The following BSDC1 variants were observed in gnomAD, a reference collection of about 807,000 sequenced individuals.
The protein encoded by BSDC1 is BSD domain-containing protein 1.
Under a neutral mutation model 56.0 loss-of-function variants are expected in BSDC1, and 29 were observed. The ratio of observed to expected loss-of-function variants is 0.52; its 90% CI spans 0.39 to 0.71. The LOEUF is 0.71. BSDC1 is among the 30% of genes least tolerant of loss of function. The pLI is 0.00. For synonymous variants in BSDC1, 210 were observed against 215.3 expected, an observed-to-expected ratio of 0.98 and a Z score of 0.21; for missense variants, 477 against 548.5, an observed-to-expected ratio of 0.87 and a Z score of 1.30.
At chr1:32,368,284 C>G in intron 10 of BSDC1, 163 bp downstream of exon 10, 1 of 1,566,556 alleles carries the variant, frequency 6.4e-7, no homozygotes, top group Non-Finnish European at 8.7e-7. Flanking sequence ...TGCTGATGAC[C>G]AATGTTGTGG....
intron 5 of BSDC1, among the ~76,000 whole-genome samples, chr1:32,380,267 C>T (rs932407879): frequency 4.6e-5 from 7 of 152,208 alleles, no homozygotes; most frequent in Non-Finnish European, 8.8e-5. Context: ...CGGGTGCTCC[C>T]TGCTCTCTCT....
intron 4 of BSDC1, among the ~76,000 whole-genome samples, chr1:32,383,051 CTTA>C (rs1178656036): frequency 7.9e-5 from 12 of 151,936 alleles, no homozygotes; most frequent in Admixed American, 7.9e-4. Flanking sequence ...CACAGCGTTC[CTTA>C]TTATGCTTGA....
At chr1:32,392,561 C>T (rs545092917) in intron 2 of BSDC1, among the ~76,000 whole-genome samples, 3 of 152,250 alleles carry the variant, frequency 2.0e-5, no homozygotes, top group East Asian at 1.9e-4. Context: ...AGGAGGCCCT[C>T]ATGCAACATC....
intron 4 of BSDC1, among the ~76,000 whole-genome samples, chr1:32,382,488 C>T (rs1302571412): frequency 6.8e-6 from 1 of 147,400 alleles, no homozygotes; most frequent in African/African-American, 2.5e-5. Flanking sequence ...AAACAAAAAA[C>T]AAACAAAAAA....
At chr1:32,382,328 G>A (rs1257085854) in intron 4 of BSDC1, among the ~76,000 whole-genome samples, 1 of 151,662 alleles carries the variant, frequency 6.6e-6, no homozygotes, top group East Asian at 1.9e-4. Flanking sequence ...AATTAGCTGA[G>A]CGTGGTGATG....
intron 2 of BSDC1, among the ~76,000 whole-genome samples, chr1:32,393,417 G>C (rs1431080141): frequency 1.3e-5 from 2 of 152,150 alleles, no homozygotes; most frequent in African/African-American, 4.8e-5. Context: ...TCTCTGGCTT[G>C]GGTTCTTGCT....
intron 5 of BSDC1, among the ~76,000 whole-genome samples, chr1:32,379,610 G>C (rs1426628470): frequency 6.6e-6 from 1 of 152,128 alleles, no homozygotes; most frequent in Non-Finnish European, 1.5e-5. Context: ...TTATTTTTGA[G>C]AGATAGAGGC....
In BSDC1 at chr1:32,376,747, G is replaced by A. The variant is rs1642303010; in HGVS notation, c.677-6C>T. 3 of 1,360,316 alleles carry A rather than the reference G, an allele frequency of 2.2e-6. No individual in the cohort carries two copies. Among genetic ancestry groups the A allele is most frequent in the Middle Eastern group, 2.0e-4 (1 of 5,014 alleles). The allele number at this position is 1,360,316 out of a possible 1,614,324, so 84.3% of individuals were successfully genotyped here. A position where few individuals can be genotyped will look rare whatever the true frequency, so the allele number is the denominator to read the frequency against. On this transcript the variant is annotated splice_polypyrimidine_tract_variant and splice_region_variant and intron_variant, in intron 8 of 10. Coordinates refer to ENST00000455895, the MANE Select transcript of BSDC1 (RefSeq NM_018045.8). The stretch of plus-strand genomic sequence containing the variant: ...TGAAATGCCCATGAGCTCCTCTGTA[G>A]AGAGAGAAAGGGAGGGGCAAGAGGG...
chr1:32,368,696 C>T (rs769476025), intron 9 of BSDC1, 146 bp from the exon 10 acceptor site: 236 of 1,217,216 alleles, frequency 1.9e-4, no homozygotes, highest in Non-Finnish European at 2.4e-4. Flanking sequence ...GCGCACCAAT[C>T]GTACTTTTTT....
chr1:32,387,498 C>T lies in BSDC1; in HGVS notation c.73-603G>A, dbSNP rs1047339817. On this transcript the variant is annotated intron_variant, in intron 2 of 10. Coordinates refer to ENST00000455895, the MANE Select transcript of BSDC1 (RefSeq NM_018045.8). ...CTGGGATTACAGGCATGCGCCACCA[C>T]GCCCAGCTAATTTTGTATTTTTAGT... Among the ~76,000 whole-genome samples, 19 of 152,102 alleles carry T rather than the reference C, an allele frequency of 1.2e-4. 1 individual carries two copies. The highest frequency in any genetic ancestry group is 3.6e-4 in the African/African-American group (15 of 41,428).
At chr1:32,375,920 T>C (rs1393450805) in intron 9 of BSDC1, among the ~76,000 whole-genome samples, 2 of 152,178 alleles carry the variant, frequency 1.3e-5, no homozygotes, top group Admixed American at 6.5e-5. Flanking sequence ...TTGGGCAAGT[T>C]ACCTAATATT....
intron 1 of BSDC1, 125 bp downstream of exon 1, chr1:32,394,279 A>T: frequency 6.4e-7 from 1 of 1,567,546 alleles, no homozygotes; most frequent in Non-Finnish European, 8.8e-7. Context: ...ATGCGACTCC[A>T]CTCTGCCCTT....
At chr1:32,377,205 C>T (rs1642323964) in intron 8 of BSDC1, among the ~76,000 whole-genome samples, 1 of 152,106 alleles carries the variant, frequency 6.6e-6, no homozygotes, top group African/African-American at 2.4e-5. Flanking sequence ...CTTCTGCAGA[C>T]AGTCCCTGCT....
chr1:32,367,807 C>A (rs1417728018), intron 10 of BSDC1: 1 of 901,134 alleles, frequency 1.1e-6, no homozygotes, highest in African/African-American at 1.8e-5. Flanking sequence ...CAGGCAATAG[C>A]CCTAAGGTGT....
chr1:32,369,255 G>A, intron 9 of BSDC1: 1 of 1,289,616 alleles, frequency 7.8e-7, no homozygotes, highest in Non-Finnish European at 1.0e-6. Flanking sequence ...TTACTAAAGA[G>A]CGGAGAAGCA....
At chr1:32,376,119 G>C in intron 9 of BSDC1, 143 bp downstream of exon 9, 1 of 823,392 alleles carries the variant, frequency 1.2e-6, no homozygotes, top group East Asian at 2.8e-5. Context: ...TTAGCAAATA[G>C]TCAATATATA....
chr1:32,393,216 T>C (rs893585800), intron 2 of BSDC1, among the ~76,000 whole-genome samples: 4 of 152,166 alleles, frequency 2.6e-5, no homozygotes, highest in African/African-American at 9.7e-5. Context: ...TTTTGACAAA[T>C]AAGCATGAAA....
chr1:32,393,013 G>A (rs1359493707), intron 2 of BSDC1, among the ~76,000 whole-genome samples: 1 of 152,220 alleles, frequency 6.6e-6, no homozygotes, highest in Non-Finnish European at 1.5e-5. Context: ...GCAGCGAGCT[G>A]AGACCGCACC....
intron 2 of BSDC1, among the ~76,000 whole-genome samples, chr1:32,389,784 CCACACACACA>C (rs58560406): frequency 2.1e-5 from 3 of 146,086 alleles, no homozygotes; most frequent in South Asian, 4.4e-4. Flanking sequence ...AAAACCGTCT[CCACACACACA>C]CACACACACA....
Sources: gnomAD v4.1 joint callset for allele counts (sites outside exome capture counted in the v4.1 genomes callset) on GRCh38, gnomAD v4.1.1 for gene constraint, MANE v1.5 for transcripts, NCBI Gene and HGNC (gene_info 2026-07-23, HGNC 2026-07-21) for gene names.